Variants in RPH3A observed in about 807,000 individuals in gnomAD.
The protein encoded by RPH3A is rabphilin 3A.
In RPH3A, 48 loss-of-function variants were observed where a neutral mutation model predicts 102.2. The observed-to-expected ratio is 0.47, with a 90% CI of 0.37 to 0.60. The LOEUF (loss-of-function observed/expected upper bound fraction) is 0.60. Among genes scored for constraint, RPH3A ranks in the 20% least tolerant of loss-of-function variants. The probability of loss-of-function intolerance (pLI) is 0.00; values close to 1 mark genes in which losing one functional copy is unlikely to be tolerated. For missense variants in RPH3A, 781 were observed against 910.1 expected (o/e 0.86, Z 1.83); for synonymous variants, 310 against 324.3 (o/e 0.96, Z 0.47).
At chr12:112,821,562 A>G (rs940747338) in intron 2 of RPH3A, among the ~76,000 whole-genome samples, 1 of 152,146 alleles carries the variant, frequency 6.6e-6, no homozygotes, top group Non-Finnish European at 1.5e-5. Context: ...TCTCCCCCAG[A>G]TGGCCATGTG....
At chr12:112,587,975 C>A (rs1430063257) in intron 1 of RPH3A, among the ~76,000 whole-genome samples, 1 of 152,170 alleles carries the variant, frequency 6.6e-6, no homozygotes, top group Non-Finnish European at 1.5e-5. Context: ...AGATTATAAT[C>A]TTCTTGAAGG....
chr12:112,776,524 A>G (rs1177800835), intron 1 of RPH3A, among the ~76,000 whole-genome samples: 5 of 152,008 alleles, frequency 3.3e-5, no homozygotes, highest in Non-Finnish European at 7.4e-5. Flanking sequence ...GCTAGCTTGG[A>G]TTTATTGTTA....
upstream of RPH3A, among the ~76,000 whole-genome samples, chr12:112,788,283 TTTCA>T (rs753887101): frequency 2.0e-5 from 3 of 152,220 alleles, no homozygotes; most frequent in Non-Finnish European, 4.4e-5. Context: ...AAAATCCTTG[TTTCA>T]ATGAAGGCTT....
upstream of RPH3A, among the ~76,000 whole-genome samples, chr12:112,789,887 C>CAAA (rs144494791): frequency 5.8e-4 from 41 of 70,740 alleles, no homozygotes; most frequent in African/African-American, 1.7e-3. Context: ...CCCATCTCTG[C>CAAA]AAAAAAAAAA....
intron 7 of RPH3A, 141 bp downstream of exon 7, chr12:112,866,981 A>C: frequency 1.6e-6 from 1 of 625,264 alleles, no homozygotes. Flanking sequence ...TGGATGAATT[A>C]TTTCTCCTCC....
At position 112,827,680 on chromosome 12, in the gene RPH3A, A is replaced by AT. The variant is rs907395281; in HGVS notation, c.-18-612dup. On this transcript the variant is annotated intron_variant, in intron 2 of 21. Transcript: ENST00000389385. ...TTTTCTGATAGCTTGGATGTAGAGT[A>AT]TTTTTTTTTAAAAAAGGCAGGGACA... Among the ~76,000 whole-genome samples, 98 of 151,384 alleles carry AT rather than the reference A, an allele frequency of 6.5e-4. 2 individuals carry two copies. Among genetic ancestry groups the AT allele is most frequent in the African/African-American group, 1.7e-3 (72 of 41,272 alleles).
At chr12:112,774,305 A>C (rs1320700891) in intron 1 of RPH3A, among the ~76,000 whole-genome samples, 2 of 152,206 alleles carry the variant, frequency 1.3e-5, no homozygotes, top group African/African-American at 4.8e-5. Flanking sequence ...TCAGGCATCA[A>C]AGTTAAGTTT....
At chr12:112,850,237 G>C (rs1251116869) in intron 5 of RPH3A, among the ~76,000 whole-genome samples, 3 of 152,096 alleles carry the variant, frequency 2.0e-5, no homozygotes, top group East Asian at 1.9e-4. Context: ...ACATCTGAGT[G>C]AGTATTTAAT....
At chr12:112,795,632 A>G (rs2041214290) in intron 2 of RPH3A, among the ~76,000 whole-genome samples, 5 of 152,088 alleles carry the variant, frequency 3.3e-5, no homozygotes, top group Admixed American at 3.3e-4. Flanking sequence ...AATCTCTCTG[A>G]GCCTCAGTTT....
At chr12:112,799,439 CTG>C (rs2041297482) in intron 2 of RPH3A, among the ~76,000 whole-genome samples, 1 of 152,104 alleles carries the variant, frequency 6.6e-6, no homozygotes, top group African/African-American at 2.4e-5. Flanking sequence ...ACTGGGCAAA[CTG>C]TGATGAGTTG....
chr12:112,652,930 TA>T (rs1309291691), intron 1 of RPH3A, among the ~76,000 whole-genome samples: 26 of 152,354 alleles, frequency 1.7e-4, no homozygotes, highest in African/African-American at 6.3e-4. Flanking sequence ...CTAGATGGTA[TA>T]GCCTATTGTA....
chr12:112,886,023 A>G (rs1216558214), intron 16 of RPH3A, among the ~76,000 whole-genome samples: 2 of 152,178 alleles, frequency 1.3e-5, no homozygotes, highest in African/African-American at 2.4e-5. Flanking sequence ...TATTGTTCAC[A>G]CCCCAACCAG....
intron 2 of RPH3A, among the ~76,000 whole-genome samples, chr12:112,823,181 A>G (rs548355709): frequency 6.6e-6 from 1 of 152,352 alleles, no homozygotes; most frequent in East Asian, 1.9e-4. Context: ...CCAGGAATGG[A>G]CAATCACCAA....
intron 1 of RPH3A, among the ~76,000 whole-genome samples, chr12:112,655,341 G>A (rs2040003397): frequency 6.6e-6 from 1 of 152,116 alleles, no homozygotes; most frequent in South Asian, 2.1e-4. Flanking sequence ...TTTTCATTAT[G>A]TAATGAATAA....
intron 1 of RPH3A, among the ~76,000 whole-genome samples, chr12:112,634,103 C>T (rs2039827568): frequency 6.6e-6 from 1 of 152,154 alleles, no homozygotes; most frequent in Non-Finnish European, 1.5e-5. Context: ...AAACCCAGCA[C>T]TTTGGGAGGC....
In RPH3A at chr12:112,806,938, G is replaced by A. The variant is rs996201662; in HGVS notation, c.-19+14675G>A. 3.3e-5 allele frequency among the ~76,000 whole-genome samples: 5 copies of A among 152,206 alleles called. No individual in the cohort carries two copies. In the South Asian group the frequency reaches 8.3e-4, roughly 25 times the overall value. On this transcript the variant is annotated intron_variant, in intron 2 of 21. Transcript: ENST00000389385. ...AGTGATGTTCGACCTGAGATCTGAA[G>A]GATGAATAGGAGTTAACTGAGTAAA...
intron 1 of RPH3A, chr12:112,695,205 C>G (rs1222836919): frequency 1.2e-5 from 2 of 168,896 alleles, no homozygotes; most frequent in Admixed American, 1.3e-4. Context: ...TTTGGCAACC[C>G]TAATCCATAG....
At chr12:112,735,691 T>C (rs1466831236) in intron 1 of RPH3A, among the ~76,000 whole-genome samples, 3 of 152,222 alleles carry the variant, frequency 2.0e-5, no homozygotes, top group Non-Finnish European at 4.4e-5. Context: ...CACTAGACGC[T>C]GGGACAGAGA....
intron 1 of RPH3A, among the ~76,000 whole-genome samples, chr12:112,731,374 A>G (rs1313334547): frequency 2.0e-5 from 3 of 152,208 alleles, no homozygotes; most frequent in African/African-American, 7.2e-5. Flanking sequence ...CATTTTATAC[A>G]TCCTTCAATG....
Sources: gnomAD v4.1 joint callset for allele counts (sites outside exome capture counted in the v4.1 genomes callset) on GRCh38, gnomAD v4.1.1 for gene constraint, MANE v1.5 for transcripts, NCBI Gene and HGNC (gene_info 2026-07-23, HGNC 2026-07-21) for gene names.